Variants in SPAG16 observed in about 807,000 individuals in gnomAD.
SPAG16 encodes the protein sperm-associated antigen 16 protein.
In SPAG16, 86 loss-of-function variants were observed where a neutral mutation model predicts 80.4. The ratio of observed to expected loss-of-function variants is 1.07; its 90% CI spans 0.90 to 1.28. The LOEUF (loss-of-function observed/expected upper bound fraction) is 1.28, where lower values mean the gene tolerates loss of function less well. Among genes scored for constraint, SPAG16 ranks in the 50% most tolerant of loss-of-function variants. The probability of loss-of-function intolerance (pLI) is 0.00; values close to 1 mark genes in which losing one functional copy is unlikely to be tolerated. For synonymous variants in SPAG16, 294 were observed against 265.9 expected (o/e 1.11, Z -1.03); for missense variants, 870 against 765.3 (o/e 1.14, Z -1.61).
intron 15 of SPAG16, among the ~76,000 whole-genome samples, chr2:214,150,834 A>G (rs1333839843): frequency 6.6e-6 from 1 of 152,078 alleles, no homozygotes; most frequent in Non-Finnish European, 1.5e-5. Flanking sequence ...TTAGATAAAC[A>G]TGATTTTAAA....
At chr2:213,313,292 A>G (rs2126125083) in intron 4 of SPAG16, among the ~76,000 whole-genome samples, 1 of 152,098 alleles carries the variant, frequency 6.6e-6, no homozygotes, top group Admixed American at 6.6e-5. Context: ...AAACAAAATT[A>G]ATAACATGTT....
At chr2:214,393,717 T>C (rs1195715372) in intron 15 of SPAG16, among the ~76,000 whole-genome samples, 2 of 152,044 alleles carry the variant, frequency 1.3e-5, no homozygotes, top group Non-Finnish European at 2.9e-5. Flanking sequence ...ACACTCATAA[T>C]GTGAAATTGG....
At chr2:214,093,961 A>G (rs966216331) in intron 13 of SPAG16, among the ~76,000 whole-genome samples, 2 of 152,072 alleles carry the variant, frequency 1.3e-5, no homozygotes, top group Admixed American at 6.6e-5. Flanking sequence ...ATGTTTCTCT[A>G]CTGGATCCTT....
chr2:214,052,239 C>G (rs982211933), intron 13 of SPAG16, among the ~76,000 whole-genome samples: 5 of 152,172 alleles, frequency 3.3e-5, no homozygotes, highest in Admixed American at 6.5e-5. Flanking sequence ...GCAGTTTTTC[C>G]TAAAGTAAAT....
At chr2:213,620,913 G>A (rs943065180) in intron 10 of SPAG16, among the ~76,000 whole-genome samples, 3 of 152,128 alleles carry the variant, frequency 2.0e-5, no homozygotes, top group African/African-American at 4.8e-5. Context: ...ACATTGAAAT[G>A]TGTGGATCTT....
intron 10 of SPAG16, among the ~76,000 whole-genome samples, chr2:213,678,008 C>T (rs1574771745): frequency 1.3e-5 from 2 of 151,976 alleles, no homozygotes; most frequent in Non-Finnish European, 2.9e-5. Context: ...CAACCTGCTC[C>T]TGAATGACTA....
chr2:213,867,851 G>A (rs543049456), intron 11 of SPAG16, among the ~76,000 whole-genome samples: 2 of 146,236 alleles, frequency 1.4e-5, no homozygotes, highest in Admixed American at 1.4e-4. Flanking sequence ...ATGAACCTGG[G>A]AGGTGGAGCG....
intron 13 of SPAG16, among the ~76,000 whole-genome samples, chr2:214,031,354 C>T (rs1350903366): frequency 2.8e-5 from 4 of 140,834 alleles, no homozygotes; most frequent in South Asian, 2.3e-4. Context: ...AACCAAACAC[C>T]GCATGTTCTC....
At chr2:213,957,453 C>CTT (rs144878230) in intron 12 of SPAG16, among the ~76,000 whole-genome samples, 21,832 of 147,454 alleles carry the variant, frequency 0.15, 1,954 homozygotes, top group Non-Finnish European at 0.21. Context: ...TTTGCATGAA[C>CTT]TTTTTTTTTT....
intron 10 of SPAG16, among the ~76,000 whole-genome samples, chr2:213,718,838 G>A (rs978970760): frequency 1.3e-5 from 2 of 152,156 alleles, no homozygotes; most frequent in Non-Finnish European, 2.9e-5. Flanking sequence ...ACTCCACGGC[G>A]CCCAGTCCCA....
chr2:213,718,562 G>A (rs1290442997), intron 10 of SPAG16, among the ~76,000 whole-genome samples: 1 of 152,230 alleles, frequency 6.6e-6, no homozygotes, highest in Non-Finnish European at 1.5e-5. Flanking sequence ...GTGGGCGTGG[G>A]CTTGGTGGGC....
At chr2:213,756,663 A>G (rs1201739420) in intron 10 of SPAG16, among the ~76,000 whole-genome samples, 1 of 152,210 alleles carries the variant, frequency 6.6e-6, no homozygotes, top group Non-Finnish European at 1.5e-5. Context: ...GATCTCTGGG[A>G]GCGGGAACCC....
intron 10 of SPAG16, among the ~76,000 whole-genome samples, chr2:213,843,885 T>G (rs1289758384): frequency 1.3e-5 from 2 of 152,092 alleles, no homozygotes; most frequent in African/African-American, 4.8e-5. Context: ...CCCTTCTTTT[T>G]TGGTCAAGAG....
chr2:214,166,220 C>G (rs541856041), intron 15 of SPAG16, among the ~76,000 whole-genome samples: 2 of 152,216 alleles, frequency 1.3e-5, no homozygotes, highest in South Asian at 2.1e-4. Flanking sequence ...GGTATATAGA[C>G]AGGATGCTGT....
chr2:213,434,885 A>G (rs765830481), intron 9 of SPAG16, among the ~76,000 whole-genome samples: 1 of 152,238 alleles, frequency 6.6e-6, no homozygotes, highest in Non-Finnish European at 1.5e-5. Flanking sequence ...TACAACCACT[A>G]TGAAAAGCTG....
intron 10 of SPAG16, among the ~76,000 whole-genome samples, chr2:213,762,327 A>T (rs982026685): frequency 3.3e-5 from 5 of 152,170 alleles, no homozygotes; most frequent in Non-Finnish European, 7.4e-5. Context: ...ATTTAATAGC[A>T]CTGAACTGTA....
rs144705435 is a variant in SPAG16, at chr2:213,681,067, G to C, written c.1071-181418G>C. Among the ~76,000 whole-genome samples, 175 of 152,242 alleles carry C rather than the reference G, an allele frequency of 1.1e-3. 2 individuals carry two copies. Among genetic ancestry groups the C allele is most frequent in the African/African-American group, 3.8e-3 (158 of 41,546 alleles). ...AGAGAGAGAGAGCAGGTTATAAAAT[G>C]TTTCTTATCAGACCTAAAAGGGTAC... is the stretch of plus-strand genomic sequence containing the variant. On this transcript the variant is annotated intron_variant, in intron 10 of 15. Coordinates refer to ENST00000331683, the MANE Select transcript of SPAG16 (RefSeq NM_024532.5).
intron 10 of SPAG16, among the ~76,000 whole-genome samples, chr2:213,577,042 C>T (rs1379450166): frequency 6.6e-6 from 1 of 152,058 alleles, no homozygotes; most frequent in East Asian, 1.9e-4. Context: ...TATTTCAGGA[C>T]ACTTGTACCC....
intron 10 of SPAG16, among the ~76,000 whole-genome samples, chr2:213,824,145 C>T (rs1022526157): frequency 2.0e-5 from 3 of 152,172 alleles, no homozygotes; most frequent in South Asian, 4.1e-4. Context: ...AGCCAGTTTT[C>T]CCAGCACCAT....
Sources: gnomAD v4.1 joint callset for allele counts (sites outside exome capture counted in the v4.1 genomes callset) on GRCh38, gnomAD v4.1.1 for gene constraint, MANE v1.5 for transcripts, NCBI Gene and HGNC (gene_info 2026-07-23, HGNC 2026-07-21) for gene names.